The following CARS2 variants were observed in gnomAD, a reference collection of about 807,000 sequenced individuals.
CARS2 encodes the protein cysteinyl-tRNA synthetase 2, mitochondrial.
CARS2 carries 52 observed loss-of-function variants against 68.8 expected under a neutral mutation model. The observed-to-expected ratio is 0.76, with a 90% CI of 0.61 to 0.95. The LOEUF is 0.95. Among genes scored for constraint, CARS2 ranks in the 40% least tolerant of loss-of-function variants. The pLI is 0.00. For missense variants in CARS2, 780 were observed against 754.2 expected (o/e 1.03, Z -0.40); for synonymous variants, 314 against 303.6 (o/e 1.03, Z -0.36).
intron 6 of CARS2, among the ~76,000 whole-genome samples, chr13:110,680,206 A>G (rs9559858): frequency 0.52 from 78,230 of 149,368 alleles, 22,016 homozygotes; most frequent in Non-Finnish European, 0.64. Flanking sequence ...AGCCTGGCCA[A>G]CACGGCAAAA....
intron 12 of CARS2, 180 bp from the exon 13 acceptor site, chr13:110,644,663 A>C: frequency 9.5e-7 from 1 of 1,056,660 alleles, no homozygotes; most frequent in Non-Finnish European, 1.3e-6. Flanking sequence ...CCATACAACT[A>C]TAGGTGCATG....
At chr13:110,644,095 T>G in intron 13 of CARS2, 2 of 1,324,888 alleles carry the variant, frequency 1.5e-6, no homozygotes, top group Non-Finnish European at 2.0e-6. Flanking sequence ...ATTCTGAGAG[T>G]CTTTGAACAT....
chr13:110,668,073 G>A lies in CARS2; in HGVS notation c.786-600C>T, dbSNP rs75580228. On this transcript the variant is annotated intron_variant, in intron 7 of 14. Transcript: ENST00000257347. This position sits in a 1 kb window ranked among gnomAD's most constrained non-coding sequence, Gnocchi z 4.1. ...CAGAAGCATGGCGACGCAGCAGGCC[G>A]GTGGATTTTCTTAAAATGATAGATA... Among the ~76,000 whole-genome samples the A allele has an allele frequency of 5.6e-3, 848 of 152,296 alleles. 18 individuals carry two copies. The South Asian group carries it at 0.058, about 10-fold the overall frequency.
At chr13:110,641,827 G>A (rs955541824) in intron 14 of CARS2, among the ~76,000 whole-genome samples, 2 of 152,198 alleles carry the variant, frequency 1.3e-5, no homozygotes, top group South Asian at 2.1e-4. Context: ...CCACGTCCCC[G>A]TGCTCAGCGT....
chr13:110,657,029 TAA>T (rs1222094785), intron 9 of CARS2, among the ~76,000 whole-genome samples: 16 of 152,266 alleles, frequency 1.1e-4, no homozygotes, highest in African/African-American at 3.1e-4. Flanking sequence ...TAAAAAGAAA[TAA>T]GAGAAGCCTT....
intron 7 of CARS2, among the ~76,000 whole-genome samples, chr13:110,669,623 C>G (rs2062746268): frequency 6.6e-6 from 1 of 152,162 alleles, no homozygotes; most frequent in South Asian, 2.1e-4. Flanking sequence ...AGGAACAGCT[C>G]CAGTCTACAG....
intron 8 of CARS2, chr13:110,664,565 T>C (rs1253908276): frequency 1.0e-6 from 1 of 953,440 alleles, no homozygotes; most frequent in African/African-American, 1.8e-5. Context: ...TAGAATGTGA[T>C]TTCCAAAAAA....
intron 13 of CARS2, 53 bp from the exon 14 acceptor site, chr13:110,642,574 C>CT (rs754535107): frequency 1.3e-4 from 187 of 1,394,410 alleles, no homozygotes; most frequent in Admixed American, 1.6e-4. Context: ...ATTGTGGATG[C>CT]CCCCTCCCCA....
chr13:110,681,982 G>A (rs1159599368), intron 6 of CARS2, among the ~76,000 whole-genome samples: 2 of 152,170 alleles, frequency 1.3e-5, no homozygotes, highest in Non-Finnish European at 2.9e-5. Flanking sequence ...CCTGCGTGAT[G>A]CTGGAATGGT....
At chr13:110,664,554 T>A (rs942408752) in intron 8 of CARS2, 1 of 937,084 alleles carries the variant, frequency 1.1e-6, no homozygotes, top group African/African-American at 1.8e-5. Context: ...AACCAACCAA[T>A]TAGAATGTGA....
chr13:110,641,416 G>A (rs1887265117), downstream of CARS2: 1 of 797,358 alleles, frequency 1.3e-6, no homozygotes, highest in Non-Finnish European at 2.2e-6. Flanking sequence ...GTGGGACACT[G>A]TTGGTTGCCT....
In CARS2 at chr13:110,676,261, G is replaced by A. The variant is rs2062947002; in HGVS notation, c.785+713C>T. 6.6e-6 allele frequency among the ~76,000 whole-genome samples: 1 copy of A among 152,236 alleles called. No homozygotes were observed. The highest frequency in any genetic ancestry group is 2.4e-5 in the African/African-American group (1 of 41,468). ...GTCTTTCACACACCCCACCCAAGGTGCCCCTGGCTGTGGGCAGAGCCACAG... is the reference window on the plus strand; with the variant it reads ...GTCTTTCACACACCCCACCCAAGGTACCCCTGGCTGTGGGCAGAGCCACAG... On this transcript the variant is annotated intron_variant, in intron 7 of 14. Transcript: ENST00000257347. The surrounding 1 kb of genome is among the most constrained non-coding windows in gnomAD (Gnocchi z 4.0).
chr13:110,652,482 T>G (rs1040604325), intron 9 of CARS2, among the ~76,000 whole-genome samples: 6 of 152,226 alleles, frequency 3.9e-5, no homozygotes, highest in African/African-American at 1.4e-4. Flanking sequence ...TGTCCCTGCT[T>G]CAGGCTTCAG....
rs753424834 is a variant in CARS2 at position 110,705,702 on chromosome 13, T to C, written c.225-131A>G. ...GATGAATAGCCGGGGTTTTCATACT[T>C]GCTCAATTCACACCCAAACCTGCAA... On this transcript the variant is annotated intron_variant, in intron 1 of 14. Coordinates refer to ENST00000257347, the MANE Select transcript of CARS2 (RefSeq NM_024537.4). This position sits in a 1 kb window ranked among gnomAD's most constrained non-coding sequence, Gnocchi z 4.0. The C allele has an allele frequency of 6.6e-6, 10 of 1,510,092 alleles. 1 individual carries two copies. In the South Asian group the frequency reaches 1.2e-4, roughly 18 times the overall value. 93.5% of individuals were successfully genotyped at this position (1,510,092 alleles called of 1,614,324 possible).
rs972372424 is a variant in CARS2 at position 110,647,119 on chromosome 13, T to C, written c.1175A>G (p.Glu392Gly). 2.5e-6 allele frequency: 4 copies of C among 1,597,986 alleles called. No homozygotes were observed. Among genetic ancestry groups the C allele is most frequent in the Non-Finnish European group, 3.4e-6 (4 of 1,172,558 alleles). Residue 392 changes from glutamate (E) to glycine (G), a missense_variant, in exon 11 of 15, where the codon GAA becomes GGA. Transcript: ENST00000257347. The stretch of plus-strand genomic sequence containing the variant: ...CTCTTACCTCTCCCACAGCATCGCT[T>C]CCCTGACGGAGCCGCAGGCCAGCTG... ...KGQLACGSVREAMLWERLSST... is the reference protein window; with the variant it reads ...KGQLACGSVRGAMLWERLSST...
intron 5 of CARS2, among the ~76,000 whole-genome samples, chr13:110,685,992 G>GAAAAAAAAAAAAAAAA (rs10668818): frequency 7.8e-6 from 1 of 128,810 alleles, no homozygotes; most frequent in African/African-American, 3.0e-5. Context: ...CAGAAAAAAT[G>GAAAAAAAAAAAAAAAA]AAAAAAAAAA....
chr13:110,650,525 A>G (rs975031598), intron 10 of CARS2: 1 of 153,018 alleles, frequency 6.5e-6, no homozygotes, highest in African/African-American at 2.4e-5. Flanking sequence ...CCACCATGCC[A>G]GGCCAGTGCT....
At chr13:110,702,616 G>A (rs1311908446) in intron 2 of CARS2, among the ~76,000 whole-genome samples, 1 of 152,172 alleles carries the variant, frequency 6.6e-6, no homozygotes, top group African/African-American at 2.4e-5. Context: ...TGGCCCAGAG[G>A]AGCCCAGGCT....
At chr13:110,652,119 C>T (rs557863787) in intron 9 of CARS2, among the ~76,000 whole-genome samples, 10 of 152,396 alleles carry the variant, frequency 6.6e-5, no homozygotes, top group Admixed American at 4.6e-4. Flanking sequence ...AGGAAGCTGT[C>T]GCTGACCTTG....
Sources: allele counts gnomAD v4.1 joint callset (sites outside exome capture counted in the v4.1 genomes callset), GRCh38; gene constraint gnomAD v4.1.1; non-coding constraint Gnocchi (gnomAD v3.1); transcripts MANE v1.5; gene names NCBI Gene and HGNC (gene_info 2026-07-23, HGNC 2026-07-21).